The following ZNF713 variants were observed in gnomAD, a reference collection of about 807,000 sequenced individuals.
ZNF713 encodes zinc finger protein 713.
Under a neutral mutation model 28.7 loss-of-function variants are expected in ZNF713, and 21 were observed. The observed-to-expected ratio is 0.73, with a 90% CI of 0.52 to 1.05. The LOEUF is 1.05. ZNF713 is among the 50% of genes least tolerant of loss of function. The probability of loss-of-function intolerance (pLI) is 0.00; values close to 1 mark genes in which losing one functional copy is unlikely to be tolerated. For synonymous variants in ZNF713, 167 were observed against 178.0 expected (o/e 0.94, Z 0.49); for missense variants, 458 against 532.4 (o/e 0.86, Z 1.37).
At chr7:55,929,060 C>T (rs1425171857) in intron 6 of ZNF713, among the ~76,000 whole-genome samples, 1 of 151,984 alleles carries the variant, frequency 6.6e-6, no homozygotes, top group Non-Finnish European at 1.5e-5. Context: ...ATCAATTGAG[C>T]CCTGGATGTC....
chr7:55,933,822 A>G (rs981953124), intron 6 of ZNF713, among the ~76,000 whole-genome samples: 18 of 151,994 alleles, frequency 1.2e-4, no homozygotes, highest in African/African-American at 4.3e-4. Context: ...CTCCCACCTC[A>G]TCCTCTCCAG....
chr7:55,906,167 A>G (rs1785675419), intron 1 of ZNF713, 86 bp from the exon 2 acceptor site: 2 of 151,948 alleles, frequency 1.3e-5, no homozygotes, highest in Non-Finnish European at 2.9e-5. Flanking sequence ...GGCAACTTGA[A>G]TCTATGCTCC....
chr7:55,894,148 G>A (rs2116166519), intron 1 of ZNF713, among the ~76,000 whole-genome samples: 1 of 152,310 alleles, frequency 6.6e-6, no homozygotes, highest in Middle Eastern at 3.4e-3. Flanking sequence ...CAACATAACA[G>A]GGTCCCTTTA....
intron 4 of ZNF713, among the ~76,000 whole-genome samples, chr7:55,915,132 A>G (rs749736404): frequency 1.4e-4 from 22 of 152,232 alleles, no homozygotes; most frequent in Admixed American, 5.9e-4. Flanking sequence ...CACCTGGCCC[A>G]TTTGGTTTAT....
At chr7:55,913,075 A>G (rs927466446) in intron 4 of ZNF713, among the ~76,000 whole-genome samples, 1 of 152,098 alleles carries the variant, frequency 6.6e-6, no homozygotes, top group Admixed American at 6.6e-5. Flanking sequence ...CGAGGCCCCT[A>G]GGACTGCTTG....
At chr7:55,910,705 T>A (rs1785769074) in intron 2 of ZNF713, among the ~76,000 whole-genome samples, 1 of 152,010 alleles carries the variant, frequency 6.6e-6, no homozygotes, top group African/African-American at 2.4e-5. Context: ...CATGTTGCCC[T>A]AGCTGGTCTC....
chr7:55,902,459 T>C (rs1436973124), intron 1 of ZNF713, among the ~76,000 whole-genome samples: 1 of 152,214 alleles, frequency 6.6e-6, no homozygotes, highest in Non-Finnish European at 1.5e-5. Context: ...ACCTTGCTAT[T>C]TGATACATAG....
chr7:55,908,095 A>G (rs1049855935), intron 2 of ZNF713, among the ~76,000 whole-genome samples: 1 of 145,516 alleles, frequency 6.9e-6, no homozygotes, highest in Non-Finnish European at 1.5e-5. Context: ...CAGTGTATAC[A>G]TGTTTCCACT....
intron 1 of ZNF713, among the ~76,000 whole-genome samples, chr7:55,892,277 CAAAA>C (rs71561974): frequency 1.3e-4 from 8 of 60,502 alleles, no homozygotes; most frequent in Admixed American, 4.7e-4. Context: ...GACTCCATCT[CAAAA>C]AAAAAAAAAA....
chr7:55,918,909 G>A (rs1398960310), intron 4 of ZNF713, among the ~76,000 whole-genome samples: 6 of 151,972 alleles, frequency 3.9e-5, no homozygotes, highest in South Asian at 4.1e-4. Flanking sequence ...CAGGAGAATC[G>A]CCTGAACCCG....
In ZNF713 at chr7:55,912,624, C is replaced by G; in HGVS notation, c.-2-11C>G. 6.3e-7 allele frequency: 1 copy of G among 1,595,582 alleles called. No individual in the cohort carries two copies. The stretch of plus-strand genomic sequence containing the variant: ...TGTCATATATTAACAAGATGCTTCT[C>G]TTTTTCCTAGTTATGCCTTCTCAGA... On this transcript the variant is annotated splice_polypyrimidine_tract_variant and intron_variant, in intron 3 of 6. Transcript: ENST00000429591.
intron 1 of ZNF713, among the ~76,000 whole-genome samples, chr7:55,890,492 C>CCAAAT (rs1184606863): frequency 2.0e-5 from 3 of 151,364 alleles, no homozygotes; most frequent in Non-Finnish European, 2.9e-5. Flanking sequence ...GGCCCTATTT[C>CCAAAT]CAAATAAAGT....
At chr7:55,907,849 C>T (rs12154256) in intron 2 of ZNF713, among the ~76,000 whole-genome samples, 9,807 of 152,158 alleles carry the variant, frequency 0.064, 415 homozygotes, top group Middle Eastern at 0.16. Flanking sequence ...TTTTCTTTAT[C>T]GAATCATCGG....
chr7:55,891,891 A>C (rs1244420258), intron 1 of ZNF713, among the ~76,000 whole-genome samples: 1 of 152,240 alleles, frequency 6.6e-6, no homozygotes, highest in East Asian at 1.9e-4. Context: ...CTTATTTAAT[A>C]GAAAAAAATT....
At chr7:55,892,679 C>A (rs962431228) in intron 1 of ZNF713, among the ~76,000 whole-genome samples, 1 of 151,322 alleles carries the variant, frequency 6.6e-6, no homozygotes, top group Admixed American at 6.6e-5. Flanking sequence ...TTGAGACCAG[C>A]CTGACCAACA....
chr7:55,929,399 C>T (rs1786166001), intron 6 of ZNF713, among the ~76,000 whole-genome samples: 1 of 152,008 alleles, frequency 6.6e-6, no homozygotes, highest in South Asian at 2.1e-4. Context: ...TAAATAATGG[C>T]ATCATTTCAA....
chr7:55,923,611 T>C lies in ZNF713; in HGVS notation c.219T>C (p.Tyr73=), dbSNP rs1304367868. Residue 73 remains tyrosine, a synonymous_variant, in exon 6 of 7, where the codon TAT becomes TAC. Transcript: ENST00000429591. ...GTATGTTACTCCTGTGAATAGGGTA[T>C]CAGCTTTGTAAGCCAGAGGTAATCG... ...ENYRNLVALG[Y]QLCKPEVIAQ... 6.3e-7 allele frequency: 1 copy of C among 1,599,616 alleles called. No individual in the cohort carries two copies. The highest frequency in any genetic ancestry group is 8.5e-7 in the Non-Finnish European group (1 of 1,172,242).
chr7:55,927,915 A>AAAAAAAAAAAAAAC (rs1562746758), intron 6 of ZNF713, among the ~76,000 whole-genome samples: 2 of 148,020 alleles, frequency 1.4e-5, no homozygotes, highest in Non-Finnish European at 3.0e-5. Flanking sequence ...AAAAAAAAAA[A>AAAAAAAAAAAAAAC]AAAAAGCCAC....
chr7:55,895,293 A>G (rs971122439), intron 1 of ZNF713, among the ~76,000 whole-genome samples: 1 of 152,132 alleles, frequency 6.6e-6, no homozygotes, highest in Non-Finnish European at 1.5e-5. Flanking sequence ...CATTGATTAG[A>G]TAGAGAGCCT....
Sources: allele counts gnomAD v4.1 joint callset (sites outside exome capture counted in the v4.1 genomes callset), GRCh38; gene constraint gnomAD v4.1.1; transcripts MANE v1.5; gene names NCBI Gene and HGNC (gene_info 2026-07-23, HGNC 2026-07-21).